The following SORL1 variants were observed in gnomAD, a reference collection of about 807,000 sequenced individuals.
SORL1 encodes the protein sortilin related receptor 1.
Under a neutral mutation model 273.7 loss-of-function variants are expected in SORL1, and 127 were observed. The ratio of observed to expected loss-of-function variants is 0.46; its 90% CI spans 0.40 to 0.54. The LOEUF (loss-of-function observed/expected upper bound fraction) is 0.54. SORL1 is among the 20% of genes least tolerant of loss of function. SORL1 has a pLI of 0.00. For synonymous variants in SORL1, 1,031 were observed against 1,067.4 expected, an observed-to-expected ratio of 0.97 and a Z score of 0.66; for missense variants, 2,494 against 2,846.1, an observed-to-expected ratio of 0.88 and a Z score of 2.81.
intron 26 of SORL1, 102 bp from the exon 27 acceptor site, chr11:121,586,120 C>G (rs1257807914): frequency 1.2e-6 from 1 of 867,908 alleles, no homozygotes; most frequent in Admixed American, 1.7e-5. Flanking sequence ...CCAAATTGCC[C>G]TCCCCAGTGG....
chr11:121,600,899 C>CT (rs11218357), intron 32 of SORL1, among the ~76,000 whole-genome samples: 16,500 of 151,418 alleles, frequency 0.11, 1,824 homozygotes, highest in African/African-American at 0.29. Context: ...ATTTAAGGCT[C>CT]TTTTTTTTTA....
At chr11:121,581,121 A>C (rs983105812) in intron 25 of SORL1, among the ~76,000 whole-genome samples, 14 of 150,590 alleles carry the variant, frequency 9.3e-5, no homozygotes, top group Middle Eastern at 3.5e-3. Flanking sequence ...CATGTTGGCC[A>C]AGCTTGTCTC....
intron 3 of SORL1, among the ~76,000 whole-genome samples, chr11:121,483,677 CTG>C (rs1861430170): frequency 6.6e-6 from 1 of 152,268 alleles, no homozygotes; most frequent in Non-Finnish European, 1.5e-5. Flanking sequence ...CTTGGTCAGT[CTG>C]TAGGTTTGGC....
intron 21 of SORL1, 181 bp from the exon 22 acceptor site, chr11:121,566,759 T>C (rs1307638937): frequency 3.6e-6 from 2 of 551,928 alleles, no homozygotes; most frequent in Non-Finnish European, 6.4e-6. Flanking sequence ...TGCAAGTCAC[T>C]GGTTATACTG....
chr11:121,463,684 G>A (rs983071969), intron 1 of SORL1, among the ~76,000 whole-genome samples: 2 of 152,196 alleles, frequency 1.3e-5, no homozygotes, highest in South Asian at 2.1e-4. Flanking sequence ...AAGTAGTTCA[G>A]GAGTTCTGTA....
chr11:121,496,199 A>G (rs907640521), intron 5 of SORL1, among the ~76,000 whole-genome samples: 7 of 152,226 alleles, frequency 4.6e-5, no homozygotes, highest in Non-Finnish European at 7.3e-5. Context: ...GAGGGATCAG[A>G]GTGCGTGCAG....
At chr11:121,538,829 C>T (rs1862306020) in intron 12 of SORL1, among the ~76,000 whole-genome samples, 1 of 152,048 alleles carries the variant, frequency 6.6e-6, no homozygotes, top group Non-Finnish European at 1.5e-5. Flanking sequence ...CAGGCATGCA[C>T]CACCACGCCC....
chr11:121,588,343 GAGAA>G (rs967160644), intron 28 of SORL1, among the ~76,000 whole-genome samples, 192 bp downstream of exon 28: 1 of 152,168 alleles, frequency 6.6e-6, no homozygotes, highest in African/African-American at 2.4e-5. Flanking sequence ...TGCCTTTTCT[GAGAA>G]AGACTTTCTT....
chr11:121,591,218 G>C, intron 31 of SORL1, 62 bp downstream of exon 31: 1 of 1,574,752 alleles, frequency 6.4e-7, no homozygotes. Flanking sequence ...CCTTCTGGGG[G>C]TGTGCTCTGG....
intron 3 of SORL1, among the ~76,000 whole-genome samples, chr11:121,479,572 G>A (rs1180216454): frequency 6.6e-6 from 1 of 152,150 alleles, no homozygotes; most frequent in Non-Finnish European, 1.5e-5. Context: ...CCTGTCTGGA[G>A]GAGGCTGGGT....
At chr11:121,486,468 G>GTTTC (rs1861473191) in intron 3 of SORL1, among the ~76,000 whole-genome samples, 1 of 150,532 alleles carries the variant, frequency 6.6e-6, no homozygotes, top group Admixed American at 6.6e-5. Context: ...GTGAGACTCT[G>GTTTC]TTTCTTTCTT....
At position 121,576,739 on chromosome 11, in the gene SORL1, C is replaced by T. The variant is rs1360607887; in HGVS notation, c.3461-542C>T. Reference sequence around the variant, plus strand: ...CCCTTCTAGAGACAGCGCATCCACCCGTGTCCCTGGAGCTCTGCCCACAGA... The same window carrying T: ...CCCTTCTAGAGACAGCGCATCCACCTGTGTCCCTGGAGCTCTGCCCACAGA... On this transcript the variant is annotated intron_variant, in intron 24 of 47. Coordinates refer to ENST00000260197, the MANE Select transcript of SORL1 (RefSeq NM_003105.6). The T allele has an allele frequency of 7.6e-6, 11 of 1,455,096 alleles. No homozygotes were observed. In the South Asian group the frequency reaches 1.0e-4, roughly 13 times the overall value. The allele number at this position is 1,455,096 out of a possible 1,614,324, so 90.1% of individuals were successfully genotyped here.
At chr11:121,576,716 C>A in intron 24 of SORL1, 1 of 1,440,800 alleles carries the variant, frequency 6.9e-7, no homozygotes, top group Non-Finnish European at 9.1e-7. Flanking sequence ...GGCCCCCACC[C>A]TTCTAGAGAC....
At position 121,492,362 on chromosome 11, in the gene SORL1, A is replaced by T. The variant is rs150089399; in HGVS notation, c.758+2252A>T. ...TGCGACAGACCAAGACACTGTCTCA[A>T]TAAATAAATAAATAAATAATAACTG... On this transcript the variant is annotated intron_variant, in intron 5 of 47. Coordinates refer to ENST00000260197, the MANE Select transcript of SORL1 (RefSeq NM_003105.6). 4.8e-3 allele frequency among the ~76,000 whole-genome samples: 727 copies of T among 152,154 alleles called. 5 individuals are homozygous for T. The highest frequency in any genetic ancestry group is 0.017 in the African/African-American group (698 of 41,496).
chr11:121,477,693 C>T (rs543062980), intron 2 of SORL1, among the ~76,000 whole-genome samples: 98 of 152,206 alleles, frequency 6.4e-4, no homozygotes, highest in African/African-American at 2.2e-3. Flanking sequence ...CTATCAGGCA[C>T]CTAATGGGAG....
At chr11:121,458,186 C>T (rs758929040) in intron 1 of SORL1, among the ~76,000 whole-genome samples, 1 of 152,130 alleles carries the variant, frequency 6.6e-6, no homozygotes, top group Non-Finnish European at 1.5e-5. Flanking sequence ...CATTCGTTTA[C>T]CTTCCTAATT....
Position 121,550,230 on chromosome 11 carries a change from A to T in SORL1, c.2180+142A>T, listed in dbSNP as rs982978107. On this transcript the variant is annotated intron_variant, in intron 15 of 47. Transcript: ENST00000260197. The surrounding 1 kb of genome is among the most constrained non-coding windows in gnomAD (Gnocchi z 5.3). Reference sequence around the variant, plus strand: ...GCCTGCAAGTAGTTTGGGCAACATTATAAATTATGGTATTTGTAAACTCTC... The same window carrying T: ...GCCTGCAAGTAGTTTGGGCAACATTTTAAATTATGGTATTTGTAAACTCTC... 2.4e-6 allele frequency: 2 copies of T among 837,922 alleles called. No homozygotes were observed. Among genetic ancestry groups the T allele is most frequent in the Non-Finnish European group, 3.6e-6 (2 of 556,318 alleles). 51.9% of individuals were successfully genotyped at this position (837,922 alleles called of 1,614,324 possible).
intron 21 of SORL1, among the ~76,000 whole-genome samples, chr11:121,562,394 G>A (rs752960118): frequency 6.6e-6 from 1 of 152,100 alleles, no homozygotes; most frequent in Non-Finnish European, 1.5e-5. Flanking sequence ...AGCTACCTGC[G>A]GTCAACCACT....
chr11:121,504,852 G>C (rs572444238), intron 6 of SORL1, among the ~76,000 whole-genome samples: 1 of 152,098 alleles, frequency 6.6e-6, no homozygotes, highest in Non-Finnish European at 1.5e-5. Context: ...TTATCAATTT[G>C]AGGAAGGTTC....
Sources: gnomAD v4.1 joint callset for allele counts (sites outside exome capture counted in the v4.1 genomes callset) on GRCh38, gnomAD v4.1.1 for gene constraint, Gnocchi (gnomAD v3.1) non-coding constraint, MANE v1.5 for transcripts, NCBI Gene and HGNC (gene_info 2026-07-23, HGNC 2026-07-21) for gene names.